The following FSTL4 variants were observed in gnomAD, a reference collection of about 807,000 sequenced individuals.
FSTL4 encodes the protein follistatin-related protein 4.
A neutral mutation model predicts 78.2 loss-of-function variants in FSTL4; 28 were observed. The observed-to-expected ratio is 0.36, with a 90% CI of 0.27 to 0.49. The LOEUF is 0.49. Among genes scored for constraint, FSTL4 ranks in the 20% least tolerant of loss-of-function variants. FSTL4 has a pLI of 0.98. For synonymous variants in FSTL4, 422 were observed against 440.5 expected, an observed-to-expected ratio of 0.96 and a Z score of 0.53; for missense variants, 922 against 1,084.9, an observed-to-expected ratio of 0.85 and a Z score of 2.11.
chr5:133,448,173 G>A (rs1757304975), intron 3 of FSTL4, among the ~76,000 whole-genome samples: 1 of 152,188 alleles, frequency 6.6e-6, no homozygotes, highest in Non-Finnish European at 1.5e-5. Context: ...CCGTTAATTT[G>A]CCCCTGCTGA....
intron 15 of FSTL4, among the ~76,000 whole-genome samples, chr5:133,201,283 C>T (rs1189671613): frequency 2.6e-5 from 4 of 152,112 alleles, no homozygotes; most frequent in Admixed American, 1.3e-4. Flanking sequence ...TGGGGACTGA[C>T]CATGCTGGGC....
rs374678436 is a variant in FSTL4, at chr5:133,434,340, T to C, written c.161-33354A>G. On this transcript the variant is annotated intron_variant, in intron 3 of 15. Coordinates refer to ENST00000265342, the MANE Select transcript of FSTL4 (RefSeq NM_015082.2). ...TTTTACTATATTTCACCTTAGTCTT[T>C]TCCAGTTACATAAATATACATATGT... Among the ~76,000 whole-genome samples, 11 of 152,364 alleles carry C rather than the reference T, an allele frequency of 7.2e-5. No homozygotes were observed. The East Asian group carries it at 1.9e-3, about 27-fold the overall frequency.
intron 3 of FSTL4, among the ~76,000 whole-genome samples, chr5:133,468,145 G>A (rs1393736549): frequency 6.6e-6 from 1 of 152,188 alleles, no homozygotes; most frequent in Non-Finnish European, 1.5e-5. Context: ...ATGAAAATAA[G>A]AGATAGTTAC....
chr5:133,666,940 T>C, the FSTL4 span, among the ~76,000 whole-genome samples: 2 of 152,252 alleles, frequency 1.3e-5, no homozygotes, highest in Non-Finnish European at 2.9e-5. Context: ...CTCCTGGCTA[T>C]AAACACCATC....
At chr5:133,683,625 G>T in the FSTL4 span, among the ~76,000 whole-genome samples, 1 of 152,188 alleles carries the variant, frequency 6.6e-6, no homozygotes, top group Non-Finnish European at 1.5e-5. Context: ...GCAGCATCAT[G>T]CTAATACATA....
At chr5:133,792,799 G>C in the FSTL4 span, among the ~76,000 whole-genome samples, 1 of 152,180 alleles carries the variant, frequency 6.6e-6, no homozygotes, top group East Asian at 1.9e-4. Context: ...ATGGCCCAAA[G>C]CAGCAATCCA....
At chr5:133,697,172 G>A in the FSTL4 span, among the ~76,000 whole-genome samples, 1 of 152,212 alleles carries the variant, frequency 6.6e-6, no homozygotes. Flanking sequence ...TGTGCTCTCT[G>A]TTGGTGCTGA....
chr5:133,250,946 G>C (rs1752211743), intron 6 of FSTL4, among the ~76,000 whole-genome samples: 1 of 152,254 alleles, frequency 6.6e-6, no homozygotes, highest in Admixed American at 6.5e-5. Context: ...GGCCGGTGGG[G>C]AGGGGACAAT....
At chr5:133,235,521 C>T (rs1320476996) in intron 7 of FSTL4, among the ~76,000 whole-genome samples, 1 of 129,654 alleles carries the variant, frequency 7.7e-6, no homozygotes, top group East Asian at 2.4e-4. Flanking sequence ...AAAAAAAAGA[C>T]ACTTTCTGGC....
At chr5:133,407,663 T>G (rs1160425446) in intron 3 of FSTL4, among the ~76,000 whole-genome samples, 1 of 152,248 alleles carries the variant, frequency 6.6e-6, no homozygotes, top group East Asian at 1.9e-4. Flanking sequence ...CTGTCAATTC[T>G]GCCAAAAGAG....
chr5:133,381,466 A>G (rs757967546), intron 4 of FSTL4, among the ~76,000 whole-genome samples: 1 of 152,234 alleles, frequency 6.6e-6, no homozygotes, highest in Non-Finnish European at 1.5e-5. Flanking sequence ...ATGTTGAGAC[A>G]CATTTATGAA....
intron 2 of FSTL4, among the ~76,000 whole-genome samples, chr5:133,574,314 T>C (rs1426386580): frequency 1.3e-5 from 2 of 152,180 alleles, no homozygotes; most frequent in Non-Finnish European, 2.9e-5. Context: ...ATAGTAAATG[T>C]TTACAAGGAT....
intron 3 of FSTL4, among the ~76,000 whole-genome samples, chr5:133,537,090 T>C (rs1759364992): frequency 6.6e-6 from 1 of 152,184 alleles, no homozygotes; most frequent in Admixed American, 6.5e-5. Flanking sequence ...TCACCAGCAG[T>C]GTCTTGTGCT....
rs1444488830 is a variant in FSTL4, at chr5:133,338,204, C to T, written c.410-21552G>A. On this transcript the variant is annotated intron_variant, in intron 4 of 15. Transcript: ENST00000265342. The surrounding 1 kb of genome is among the most constrained non-coding windows in gnomAD (Gnocchi z 4.0). ...AGATGACTCGGGTCACTCACTGGCC[C>T]TGGCCCTGATGACCCCCCGGGTGTG... Among the ~76,000 whole-genome samples the T allele has an allele frequency of 6.6e-6, 1 of 152,176 alleles. No individual in the cohort carries two copies. Among genetic ancestry groups the T allele is most frequent in the African/African-American group, 2.4e-5 (1 of 41,450 alleles).
At chr5:133,652,870 T>C in the FSTL4 span, among the ~76,000 whole-genome samples, 15 of 152,264 alleles carry the variant, frequency 9.9e-5, no homozygotes, top group African/African-American at 3.6e-4. Flanking sequence ...TTAAGAGAAG[T>C]AACTGTACCC....
chr5:133,374,048 C>A (rs1210236557), intron 4 of FSTL4, among the ~76,000 whole-genome samples: 1 of 152,160 alleles, frequency 6.6e-6, no homozygotes, highest in Non-Finnish European at 1.5e-5. Context: ...GGCAGGGAAA[C>A]CCTGAGCCCC....
chr5:133,224,474 C>T, intron 10 of FSTL4: 1 of 344,586 alleles, frequency 2.9e-6, no homozygotes, highest in Non-Finnish European at 5.2e-6. Flanking sequence ...ACCACAGAAG[C>T]TAATGGAATT....
the FSTL4 span, among the ~76,000 whole-genome samples, chr5:133,698,368 T>C: frequency 3.9e-5 from 6 of 152,156 alleles, no homozygotes; most frequent in Non-Finnish European, 5.9e-5. Flanking sequence ...GGACAGTCAT[T>C]GTGGCAATGA....
At chr5:133,686,842 C>T in the FSTL4 span, among the ~76,000 whole-genome samples, 1 of 152,172 alleles carries the variant, frequency 6.6e-6, no homozygotes, top group Non-Finnish European at 1.5e-5. Context: ...GGGGAAGACT[C>T]CGGAGAACTG....
Sources: allele counts gnomAD v4.1 joint callset (sites outside exome capture counted in the v4.1 genomes callset), GRCh38; gene constraint gnomAD v4.1.1; non-coding constraint Gnocchi (gnomAD v3.1); transcripts MANE v1.5; gene names NCBI Gene and HGNC (gene_info 2026-07-23, HGNC 2026-07-21).